The following ZFTRAF1 variants were observed in gnomAD, a reference collection of about 807,000 sequenced individuals.
ZFTRAF1 encodes the protein zinc finger TRAF-type and ring finger containing 1.
the ZFTRAF1 span, chr8:144,450,749 C>T: frequency 1.4e-6 from 1 of 704,026 alleles, no homozygotes; most frequent in Non-Finnish European, 2.7e-6. Context: ...GTCGTCTGTG[C>T]GGTACGGCCG....
At chr8:144,450,811 G>A in the ZFTRAF1 span, 1 of 667,730 alleles carries the variant, frequency 1.5e-6, no homozygotes, top group Admixed American at 2.1e-5. Context: ...GGCTGTTAGT[G>A]TGGGCAGGGC....
the ZFTRAF1 span, among the ~76,000 whole-genome samples, chr8:144,460,201 A>G: frequency 6.6e-6 from 1 of 152,152 alleles, no homozygotes; most frequent in Non-Finnish European, 1.5e-5. Context: ...CTCTGTTCCC[A>G]GGGAAGTCAC....
the ZFTRAF1 span, chr8:144,452,230 G>A: frequency 1.9e-6 from 2 of 1,055,106 alleles, no homozygotes; most frequent in Non-Finnish European, 1.4e-6. Context: ...TCCACCGGGA[G>A]CTTGTCCAGA....
At chr8:144,451,095 G>A in the ZFTRAF1 span, 1 of 311,646 alleles carries the variant, frequency 3.2e-6, no homozygotes, top group Non-Finnish European at 6.1e-6. Context: ...CCCCCAGGGC[G>A]GGGTAAGCAG....
the ZFTRAF1 span, among the ~76,000 whole-genome samples, chr8:144,461,376 A>G: frequency 6.6e-6 from 1 of 152,194 alleles, no homozygotes; most frequent in Non-Finnish European, 1.5e-5. Flanking sequence ...AGGTGGGGAC[A>G]CTGTACTCTG....
At chr8:144,462,006 G>A in the ZFTRAF1 span, among the ~76,000 whole-genome samples, 3 of 152,290 alleles carry the variant, frequency 2.0e-5, no homozygotes, top group Non-Finnish European at 2.9e-5. Flanking sequence ...GGAGAGGTAA[G>A]CGGAAGACAA....
chr8:144,460,376 C>G, the ZFTRAF1 span, among the ~76,000 whole-genome samples: 1 of 152,244 alleles, frequency 6.6e-6, no homozygotes, highest in Non-Finnish European at 1.5e-5. Flanking sequence ...GCCTGGTCAC[C>G]AGGAGCTCCG....
the ZFTRAF1 span, chr8:144,449,655 G>C: frequency 0.98 from 148,721 of 152,412 alleles, 72,681 homozygotes; most frequent in Middle Eastern, 1. Context: ...CCCTGCTTTC[G>C]GAAAATGCCT....
the ZFTRAF1 span, chr8:144,451,926 G>A: frequency 8.2e-5 from 22 of 266,862 alleles, no homozygotes; most frequent in South Asian, 6.2e-4. Flanking sequence ...GGCAGTGACT[G>A]CCTGCAGGTA....
chr8:144,452,042 T>C, the ZFTRAF1 span: 3 of 418,238 alleles, frequency 7.2e-6, no homozygotes, highest in Non-Finnish European at 4.6e-6. Context: ...ACCCTGACTG[T>C]CTTGAGGCTC....
At chr8:144,454,669 C>A in the ZFTRAF1 span, 1 of 152,316 alleles carries the variant, frequency 6.6e-6, no homozygotes, top group African/African-American at 2.4e-5. Context: ...CCTGCCCAGG[C>A]CCAGCCTCTC....
chr8:144,453,019 A>G, the ZFTRAF1 span, among the ~76,000 whole-genome samples: 8 of 152,230 alleles, frequency 5.3e-5, no homozygotes, highest in Admixed American at 2.6e-4. Context: ...TCATGTCCGG[A>G]TAACAACTGG....
the ZFTRAF1 span, chr8:144,450,181 AGGCAGG>A: frequency 1.8e-6 from 1 of 555,710 alleles, no homozygotes; most frequent in South Asian, 2.1e-5. Context: ...GAAGGAGGGG[AGGCAGG>A]GGTCGGGGGG....
chr8:144,451,073 A>T, the ZFTRAF1 span: 3 of 347,766 alleles, frequency 8.6e-6, no homozygotes, highest in Non-Finnish European at 1.6e-5. Flanking sequence ...CACCGCCCCG[A>T]GCCCCGGGTG....
the ZFTRAF1 span, among the ~76,000 whole-genome samples, chr8:144,461,660 A>C: frequency 1.3e-5 from 2 of 152,166 alleles, no homozygotes; most frequent in Non-Finnish European, 2.9e-5. Context: ...GAAGGTACCC[A>C]AACTGTGGGG....
the ZFTRAF1 span, chr8:144,452,291 C>T: frequency 4.0e-6 from 6 of 1,513,812 alleles, no homozygotes; most frequent in Non-Finnish European, 5.3e-6. Flanking sequence ...CTGCTGCCCC[C>T]AGACTCCTGG....
chr8:144,452,041 G>C, the ZFTRAF1 span: 33 of 417,572 alleles, frequency 7.9e-5, no homozygotes, highest in Admixed American at 1.1e-3. Context: ...GACCCTGACT[G>C]TCTTGAGGCT....
the ZFTRAF1 span, among the ~76,000 whole-genome samples, chr8:144,460,816 G>A: frequency 4.0e-4 from 61 of 152,310 alleles, no homozygotes; most frequent in East Asian, 0.01. Flanking sequence ...CTCGGGAGGC[G>A]GAGGTTGCAG....
At chr8:144,450,992 T>C in the ZFTRAF1 span, 2 of 546,568 alleles carry the variant, frequency 3.7e-6, no homozygotes, top group Non-Finnish European at 6.6e-6. Context: ...CAACATGGAT[T>C]AGCTGGAGAG....
Sources: gnomAD v4.1 joint callset for allele counts (sites outside exome capture counted in the v4.1 genomes callset) on GRCh38, gnomAD v4.1.1 for gene constraint, MANE v1.5 for transcripts, NCBI Gene and HGNC (gene_info 2026-07-23, HGNC 2026-07-21) for gene names.